SIGLEC10: variants seen among roughly 807,000 people sequenced by gnomAD.
SIGLEC10 encodes sialic acid binding Ig like lectin 10, also known as sialic acid-binding Ig-like lectin 10.
Under a neutral mutation model 68.3 loss-of-function variants are expected in SIGLEC10, and 45 were observed. The ratio of observed to expected loss-of-function variants is 0.66; its 90% confidence interval spans 0.52 to 0.84. The LOEUF is 0.84. Ranked by LOEUF, SIGLEC10 falls within the 40% of genes least tolerant of loss-of-function variation. SIGLEC10 has a pLI of 0.00. For missense variants in SIGLEC10, 789 were observed against 883.1 expected, an observed-to-expected ratio of 0.89 and a Z score of 1.35; for synonymous variants, 379 against 370.8, an observed-to-expected ratio of 1.02 and a Z score of -0.26.
chr19:51,417,627 T>A lies in SIGLEC10; in HGVS notation c.-46A>T, dbSNP rs1054591600. 2 of 1,612,200 alleles carry A rather than the reference T, an allele frequency of 1.2e-6. No individual in the cohort carries two copies. Among genetic ancestry groups the A allele is most frequent in the African/African-American group, 2.7e-5 (2 of 74,900 alleles). On this transcript the variant is annotated 5_prime_UTR_variant, in exon 1 of 11. Transcript: ENST00000339313. ...GCCTGCCTGAGACAGGCCTGTTCTC[T>A]GGTCGTGCTGTGAGTGGCTCAGGGC...
Position 51,417,021 on chromosome 19 carries a change from T to A in SIGLEC10, c.421+61A>T. On this transcript the variant is annotated intron_variant, in intron 2 of 10. Transcript: ENST00000339313. ...CTGAGAGCCCTCTCTGCTCAGCCCA[T>A]AGGCTGTCCCCAGGGTCCCTCCCCA... The A allele has an allele frequency of 3.8e-6, 6 of 1,598,470 alleles. No homozygotes were observed. The Admixed American group carries it at 1.0e-4, about 27-fold the overall frequency.
chr19:51,415,656 G>T (rs765288348), intron 5 of SIGLEC10, 41 bp from the exon 6 acceptor site: 1 of 1,613,802 alleles, frequency 6.2e-7, no homozygotes, highest in Non-Finnish European at 8.5e-7. Context: ...CGGACCAGGG[G>T]CTTCCCTCTG....
Position 51,417,606 on chromosome 19 carries a change from G to C in SIGLEC10, c.-25C>G, listed in dbSNP as rs756666262. 6.2e-7 allele frequency: 1 copy of C among 1,613,930 alleles called. No homozygotes were observed. Among genetic ancestry groups the C allele is most frequent in the Non-Finnish European group, 8.5e-7 (1 of 1,179,840 alleles). ...TCTCCGCATAGGAGGCGCAGGGCCT[G>C]CCTGAGACAGGCCTGTTCTCTGGTC... is the stretch of plus-strand genomic sequence containing the variant. On this transcript the variant is annotated 5_prime_UTR_variant, in exon 1 of 11. Transcript: ENST00000339313.
rs1421451102 is a variant in SIGLEC10, at chr19:51,414,430, G to C, written c.1701C>G (p.Ala567=). 4 of 1,613,508 alleles carry C rather than the reference G, an allele frequency of 2.5e-6. No homozygotes were observed. In the African/African-American group the frequency reaches 5.3e-5, roughly 22 times the overall value. Residue 567 remains alanine (A), a synonymous_variant, in exon 9 of 11, where the codon GCC becomes GCG. Coordinates refer to ENST00000339313, the MANE Select transcript of SIGLEC10 (RefSeq NM_033130.5). The surrounding 1 kb of genome is among the most constrained non-coding windows in gnomAD (Gnocchi z 4.1). ...GITALLFLCL[A]LIIMKILPKR... is the part of the protein sequence containing the mutation. ...GCCTCCTCTTAACCTACATGATCAG[G>C]GCCAGGCAGAGGAAAAGAAGAGCCG...
Position 51,416,843 on chromosome 19 carries a change from A to C in SIGLEC10, c.529T>G (p.Ser177Ala), listed in dbSNP as rs750953261. 4 of 1,614,118 alleles carry C rather than the reference A, an allele frequency of 2.5e-6. No homozygotes were observed. Among genetic ancestry groups the C allele is most frequent in the Non-Finnish European group, 3.4e-6 (4 of 1,180,022 alleles). The change falls in exon 3 of 11, where the codon TCT becomes GCT. Residue 177 changes from serine to alanine, a missense_variant. Coordinates refer to ENST00000339313, the MANE Select transcript of SIGLEC10 (RefSeq NM_033130.5). ...NWAFEECPPP[S>A]FSWTGAALSS... ...AGGGCAGCCCCCGTCCAGGAGAAAG[A>C]AGGGGGTGGACATTCCTCAAAGGCC...
In SIGLEC10 at chr19:51,414,531, G is replaced by T; in HGVS notation, c.1616-16C>A. On this transcript the variant is annotated splice_polypyrimidine_tract_variant and intron_variant, in intron 8 of 10. Coordinates refer to ENST00000339313, the MANE Select transcript of SIGLEC10 (RefSeq NM_033130.5). This position sits in a 1 kb window ranked among gnomAD's most constrained non-coding sequence, Gnocchi z 4.1. ...CCCTTCTTATCTGCACACGGAGAGG[G>T]CAAGGTGAGCATTTCCCATCCACGC... 1 of 1,610,354 alleles carries T rather than the reference G, an allele frequency of 6.2e-7. No individual in the cohort carries two copies.
chr19:51,412,194 C>T (rs889968815), intron 10 of SIGLEC10, among the ~76,000 whole-genome samples: 2 of 151,062 alleles, frequency 1.3e-5, no homozygotes, highest in South Asian at 2.1e-4. Context: ...CATGCATGCA[C>T]GGAGAGAAAG....
chr19:51,411,307 G>T lies in SIGLEC10; in HGVS notation c.1886C>A (p.Pro629His). The T allele has an allele frequency of 6.2e-7, 1 of 1,614,160 alleles. No homozygotes were observed. ...SPRTPLPPGA[P>H]SPESKKNQKK... Reference sequence around the variant, plus strand: ...CTGGTTCTTCTTTGATTCTGGGGAGGGAGCACCTGGTGGAAGAGGGGTCCG... The same window carrying T: ...CTGGTTCTTCTTTGATTCTGGGGAGTGAGCACCTGGTGGAAGAGGGGTCCG... The change falls in exon 11 of 11, where the codon CCC becomes CAC. Residue 629 changes from proline to histidine, a missense_variant. Coordinates refer to ENST00000339313, the MANE Select transcript of SIGLEC10 (RefSeq NM_033130.5).
Position 51,414,836 on chromosome 19 carries a change from G to A in SIGLEC10, c.1603C>T (p.Leu535=). ...GCGGCCCCCTAACCTGGCAGCTGCA[G>A]GATGGATCCACTCTGGGCCCCATGG... The part of the protein sequence containing the change: ...NVHGAQSGSI[L]QLPDKKGLIS... The change falls in exon 8 of 11, where the codon CTG becomes TTG. Residue 535 remains leucine (L), a synonymous_variant. Transcript: ENST00000339313. The surrounding 1 kb of genome is among the most constrained non-coding windows in gnomAD (Gnocchi z 4.1). 6.2e-7 allele frequency: 1 copy of A among 1,613,816 alleles called. No individual in the cohort carries two copies.
At chr19:51,411,432 G>C in intron 10 of SIGLEC10, 61 bp from the exon 11 acceptor site, 1 of 1,589,732 alleles carries the variant, frequency 6.3e-7, no homozygotes, top group South Asian at 1.1e-5. Context: ...CACTTACCAC[G>C]CGTCGGGCAC....
At position 51,414,769 on chromosome 19, in the gene SIGLEC10, T is replaced by G; in HGVS notation, c.1615+55A>C. 6.2e-7 allele frequency: 1 copy of G among 1,606,686 alleles called. No individual in the cohort carries two copies. Among genetic ancestry groups the G allele is most frequent in the Non-Finnish European group, 8.5e-7 (1 of 1,177,902 alleles). ...CTGCTCCAACCACAGGACCCTACTC[T>G]TTGCCCCAGTCAGCTTCTCCTCCAA... is the stretch of plus-strand genomic sequence containing the variant. On this transcript the variant is annotated intron_variant, in intron 8 of 10. Transcript: ENST00000339313. This position sits in a 1 kb window ranked among gnomAD's most constrained non-coding sequence, Gnocchi z 4.1.
At chr19:51,416,556 C>T in intron 3 of SIGLEC10, 110 bp downstream of exon 3, 1 of 1,575,446 alleles carries the variant, frequency 6.3e-7, no homozygotes, top group South Asian at 1.1e-5. Flanking sequence ...CCACAGCTTC[C>T]TCTCCCTGGA....
At chr19:51,411,462 A>G (rs1988006450) in intron 10 of SIGLEC10, 91 bp from the exon 11 acceptor site, 2 of 1,503,920 alleles carry the variant, frequency 1.3e-6, no homozygotes, top group South Asian at 1.3e-5. Flanking sequence ...GCACAGAGTG[A>G]AACTAAGTCC....
At chr19:51,412,460 T>C (rs1373849959) in intron 10 of SIGLEC10, among the ~76,000 whole-genome samples, 3 of 151,768 alleles carry the variant, frequency 2.0e-5, no homozygotes, top group Admixed American at 6.6e-5. Context: ...GGGATAGAGA[T>C]GGAGCATAAA....
Position 51,417,469 on chromosome 19 carries a change from T to C in SIGLEC10, c.38-4A>G. Reference sequence around the variant, plus strand: ...CTCCCATCCATAGCCTGGGACCCTGTGGGGAGACAGAGGCTCAACCTGCAA... The same window carrying C: ...CTCCCATCCATAGCCTGGGACCCTGCGGGGAGACAGAGGCTCAACCTGCAA... On this transcript the variant is annotated splice_polypyrimidine_tract_variant and splice_region_variant and intron_variant, in intron 1 of 10. Coordinates refer to ENST00000339313, the MANE Select transcript of SIGLEC10 (RefSeq NM_033130.5). The C allele has an allele frequency of 6.2e-7, 1 of 1,613,814 alleles. No individual in the cohort carries two copies. The highest frequency in any genetic ancestry group is 8.5e-7 in the Non-Finnish European group (1 of 1,179,784).
rs1326630340 is a variant in SIGLEC10 at position 51,410,929 on chromosome 19, G to T, written c.*170C>A. The T allele has an allele frequency of 5.2e-6, 4 of 768,094 alleles. No individual in the cohort carries two copies. Among genetic ancestry groups the T allele is most frequent in the South Asian group, 2.0e-5 (1 of 50,726 alleles). 47.6% of individuals were successfully genotyped at this position (768,094 alleles called of 1,614,324 possible). ...CTCCCAAAGTGCTGGGATTACAGGC[G>T]TGAGCCACTGTGCCCTGGCCAGATG... On this transcript the variant is annotated 3_prime_UTR_variant, in exon 11 of 11. Transcript: ENST00000339313.
Position 51,414,448 on chromosome 19 carries a change from A to C in SIGLEC10, c.1683T>G (p.Leu561=). 1 of 1,613,988 alleles carries C rather than the reference A, an allele frequency of 6.2e-7. No homozygotes were observed. The highest frequency in any genetic ancestry group is 8.5e-7 in the Non-Finnish European group (1 of 1,179,978). ...TGATCAGGGCCAGGCAGAGGAAAAG[A>C]AGAGCCGTGATGCCGATTCCCAGAA... is the stretch of plus-strand genomic sequence containing the variant. ...GAFLGIGITA[L]LFLCLALIIM... The change falls in exon 9 of 11, where the codon CTT becomes CTG. Residue 561 remains leucine, a synonymous_variant. Coordinates refer to ENST00000339313, the MANE Select transcript of SIGLEC10 (RefSeq NM_033130.5). This position sits in a 1 kb window ranked among gnomAD's most constrained non-coding sequence, Gnocchi z 4.1.
Position 51,416,004 on chromosome 19 carries a change from C to T in SIGLEC10, c.918G>A (p.Leu306=), listed in dbSNP as rs1195707605. 1 of 1,613,488 alleles carries T rather than the reference C, an allele frequency of 6.2e-7. No individual in the cohort carries two copies. The stretch of plus-strand genomic sequence containing the variant: ...CCTTCACCCCGGGCAGCTCCAGCCC[C>T]AGGGGTCTAGGGCCCCAGGGATGGG... ...SSSHPWGPRP[L]GLELPGVKAG... is the part of the protein sequence containing the mutation. Residue 306 remains leucine, a synonymous_variant, in exon 5 of 11, where the codon CTG becomes CTA. Coordinates refer to ENST00000339313, the MANE Select transcript of SIGLEC10 (RefSeq NM_033130.5).
rs1988332993 is a variant in SIGLEC10, at chr19:51,414,389, C to A, written c.1709+33G>T. ...CACCTCCCCTCTTCCTGGGTCCAGGCCCCAGACCCCGCCACGCCTCCTCTT... is the reference window on the plus strand; with the variant it reads ...CACCTCCCCTCTTCCTGGGTCCAGGACCCAGACCCCGCCACGCCTCCTCTT... On this transcript the variant is annotated intron_variant, in intron 9 of 10. Coordinates refer to ENST00000339313, the MANE Select transcript of SIGLEC10 (RefSeq NM_033130.5). This position sits in a 1 kb window ranked among gnomAD's most constrained non-coding sequence, Gnocchi z 4.1. 6.3e-7 allele frequency: 1 copy of A among 1,577,354 alleles called. No homozygotes were observed. Among genetic ancestry groups the A allele is most frequent in the African/African-American group, 1.3e-5 (1 of 74,390 alleles).
Sources: gnomAD v4.1 joint callset for allele counts (sites outside exome capture counted in the v4.1 genomes callset) on GRCh38, gnomAD v4.1.1 for gene constraint, Gnocchi (gnomAD v3.1) non-coding constraint, MANE v1.5 for transcripts, NCBI Gene and HGNC (gene_info 2026-07-23, HGNC 2026-07-21) for gene names.